CCDC7: variants seen among roughly 807,000 people sequenced by gnomAD.
CCDC7 encodes coiled-coil domain containing 7.
CCDC7 carries 183 observed loss-of-function variants against 196.9 expected under a neutral mutation model. The ratio of observed to expected loss-of-function variants is 0.93; its 90% confidence interval spans 0.82 to 1.05. CCDC7 has a LOEUF of 1.05. Ranked by LOEUF, CCDC7 falls within the 50% of genes least tolerant of loss-of-function variation. The pLI is 0.00. For missense variants in CCDC7, 1,540 were observed against 1,482.2 expected (o/e 1.04, Z -0.64); for synonymous variants, 525 against 484.6 (o/e 1.08, Z -1.10).
intron 16 of CCDC7, among the ~76,000 whole-genome samples, chr10:32,573,690 T>C (rs1010215835): frequency 2.0e-5 from 3 of 152,156 alleles, no homozygotes; most frequent in Admixed American, 6.6e-5. Context: ...AAAAAAATCA[T>C]AGAATGGATA....
At chr10:32,823,293 C>T (rs1286189678) in intron 31 of CCDC7, among the ~76,000 whole-genome samples, 3 of 152,012 alleles carry the variant, frequency 2.0e-5, no homozygotes, top group Non-Finnish European at 4.4e-5. Context: ...AGGCGCACGC[C>T]ACCACGCCCT....
chr10:32,872,847 A>C (rs956708868), intron 41 of CCDC7, among the ~76,000 whole-genome samples: 1 of 152,062 alleles, frequency 6.6e-6, no homozygotes, highest in Non-Finnish European at 1.5e-5. Flanking sequence ...TCTTCTCTTT[A>C]AGAATGTTGA....
At chr10:32,638,584 T>C (rs1451816899) in intron 20 of CCDC7, among the ~76,000 whole-genome samples, 2 of 152,238 alleles carry the variant, frequency 1.3e-5, no homozygotes, top group African/African-American at 2.4e-5. Context: ...TGAAGTCCAC[T>C]TGATCATGGT....
At position 32,488,209 on chromosome 10, in the gene CCDC7, T is replaced by C. The variant is rs180880588; in HGVS notation, c.797-3713T>C. ...GCGGGCGCCCCTCCCTCAGCCTTGC[T>C]GTGGCCTTGCAGTTTGATCTCAGCC... On this transcript the variant is annotated intron_variant, in intron 8 of 41. Transcript: ENST00000639629. Among the ~76,000 whole-genome samples, 585 of 152,340 alleles carry C rather than the reference T, an allele frequency of 3.8e-3. 4 individuals carry two copies. The highest frequency in any genetic ancestry group is 0.013 in the African/African-American group (557 of 41,594).
In CCDC7 at chr10:32,645,418, G is replaced by A. The variant is rs985602468; in HGVS notation, c.2014+10260G>A. Among the ~76,000 whole-genome samples, 14 of 149,920 alleles carry A rather than the reference G, an allele frequency of 9.3e-5. No homozygotes were observed. The East Asian group carries it at 2.5e-3, about 27-fold the overall frequency. The stretch of plus-strand genomic sequence containing the variant: ...TCTTTTTAATGTGTTGTTAAATTTG[G>A]TTTGTTAGTCTTTTGTTGAAAAATT... On this transcript the variant is annotated intron_variant, in intron 20 of 41. Transcript: ENST00000639629.
intron 28 of CCDC7, among the ~76,000 whole-genome samples, chr10:32,743,429 T>A (rs1223763460): frequency 1.3e-5 from 2 of 152,230 alleles, no homozygotes; most frequent in Non-Finnish European, 2.9e-5. Flanking sequence ...TTTGTCAATT[T>A]TGGCTTTTGC....
downstream of CCDC7, among the ~76,000 whole-genome samples, chr10:32,878,005 T>C (rs1053778462): frequency 6.6e-6 from 1 of 152,002 alleles, no homozygotes; most frequent in Non-Finnish European, 1.5e-5. Context: ...ACCCAGTTAA[T>C]AGATTCAAGC....
chr10:32,486,373 T>C lies in CCDC7; in HGVS notation c.797-5549T>C, dbSNP rs191023929. On this transcript the variant is annotated intron_variant, in intron 8 of 41. Transcript: ENST00000639629. ...TGGTAGATCTTCCTCCATCCCTTTA[T>C]TTTGAGCCTGTGTGTGTCTCTGCAC... 4.8e-3 allele frequency among the ~76,000 whole-genome samples: 734 copies of C among 151,838 alleles called. 2 individuals carry two copies. The highest frequency in any genetic ancestry group is 7.7e-3 in the Non-Finnish European group (522 of 67,972).
rs769849270 is a variant in CCDC7 at position 32,574,464 on chromosome 10, C to T, written c.1454+2571C>T. 2.5e-6 allele frequency: 4 copies of T among 1,592,180 alleles called. No homozygotes were observed. In the South Asian group the frequency reaches 4.6e-5, roughly 18 times the overall value. ...AGTTTCTGAAATACTTTGGAAAAGT[C>T]TCCCAAACCTTCAGAGAGTGGATGG... On this transcript the variant is annotated intron_variant, in intron 16 of 41. Coordinates refer to ENST00000639629, the Ensembl canonical transcript of CCDC7.
At chr10:32,615,001 T>C (rs2062619465) in intron 18 of CCDC7, among the ~76,000 whole-genome samples, 1 of 152,182 alleles carries the variant, frequency 6.6e-6, no homozygotes, top group African/African-American at 2.4e-5. Flanking sequence ...TAGTATTCCA[T>C]AGTGTGTGTG....
chr10:32,504,386 T>G (rs2044558768), intron 9 of CCDC7, among the ~76,000 whole-genome samples: 1 of 152,208 alleles, frequency 6.6e-6, no homozygotes, highest in African/African-American at 2.4e-5. Flanking sequence ...GTGCTGGGAT[T>G]ACAGGCATGA....
chr10:32,444,610 A>ATCTC (rs1445955816), upstream of CCDC7, among the ~76,000 whole-genome samples: 1 of 152,140 alleles, frequency 6.6e-6, no homozygotes. Context: ...GTCTTCTTTA[A>ATCTC]TCTCTCCTGA....
intron 41 of CCDC7, among the ~76,000 whole-genome samples, chr10:32,870,948 C>T (rs902118526): frequency 4.6e-5 from 7 of 152,296 alleles, no homozygotes; most frequent in East Asian, 1.9e-4. Context: ...ATGAAGCCCA[C>T]TTGATCATGG....
intron 41 of CCDC7, among the ~76,000 whole-genome samples, chr10:32,865,058 G>A (rs1426053594): frequency 1.3e-5 from 2 of 151,608 alleles, no homozygotes; most frequent in African/African-American, 4.8e-5. Flanking sequence ...CTTACTGATG[G>A]GAAATAAATT....
At chr10:32,643,226 C>A (rs986786038) in intron 20 of CCDC7, among the ~76,000 whole-genome samples, 2 of 152,086 alleles carry the variant, frequency 1.3e-5, no homozygotes, top group African/African-American at 4.8e-5. Flanking sequence ...ATATTTCTGG[C>A]AAACTCAACT....
At chr10:32,712,125 G>A (rs962575505) in intron 25 of CCDC7, among the ~76,000 whole-genome samples, 2 of 152,114 alleles carry the variant, frequency 1.3e-5, no homozygotes, top group African/African-American at 4.8e-5. Context: ...AGGTACAAGG[G>A]CAGCCAGGGT....
At chr10:32,483,606 T>C (rs1276312069) in intron 8 of CCDC7, among the ~76,000 whole-genome samples, 1 of 152,234 alleles carries the variant, frequency 6.6e-6, no homozygotes, top group Non-Finnish European at 1.5e-5. Context: ...CTAGGTTTTC[T>C]TCTAGGGTTT....
intron 28 of CCDC7, among the ~76,000 whole-genome samples, chr10:32,735,922 A>G (rs1055647074): frequency 1.3e-5 from 2 of 152,160 alleles, no homozygotes; most frequent in Admixed American, 1.3e-4. Flanking sequence ...ACTTGTTGAA[A>G]AGAGTCCTTT....
At chr10:32,463,071 T>G in intron 5 of CCDC7, 22 bp downstream of exon 6, 2 of 1,612,378 alleles carry the variant, frequency 1.2e-6, no homozygotes, top group Non-Finnish European at 8.5e-7. Flanking sequence ...GTTTTAAAAT[T>G]GTTAAGTTAA....
Sources: gnomAD v4.1 joint callset for allele counts (sites outside exome capture counted in the v4.1 genomes callset) on GRCh38, gnomAD v4.1.1 for gene constraint, MANE v1.5 for transcripts, NCBI Gene and HGNC (gene_info 2026-07-23, HGNC 2026-07-21) for gene names.